The following SORCS1 variants were observed in gnomAD, a reference collection of about 807,000 sequenced individuals.
SORCS1 encodes the protein VPS10 domain-containing receptor SorCS1.
A neutral mutation model predicts 146.1 loss-of-function variants in SORCS1; 60 were observed. That is an observed-to-expected ratio of 0.41 (90% confidence interval 0.33 to 0.51). SORCS1 has a LOEUF of 0.51. Among genes scored for constraint, SORCS1 ranks in the 20% least tolerant of loss-of-function variants. SORCS1 has a pLI of 0.21. For synonymous variants in SORCS1, 637 were observed against 584.0 expected (o/e 1.09, Z -1.31); for missense variants, 1,352 against 1,487.6 (o/e 0.91, Z 1.50).
intron 17 of SORCS1, among the ~76,000 whole-genome samples, chr10:106,657,570 A>G (rs1168320337): frequency 6.6e-6 from 1 of 151,860 alleles, no homozygotes; most frequent in African/African-American, 2.4e-5. Context: ...CAATCCATCC[A>G]TGTAACCGAA....
At chr10:107,096,674 G>A (rs972222636) in intron 1 of SORCS1, among the ~76,000 whole-genome samples, 5 of 152,092 alleles carry the variant, frequency 3.3e-5, no homozygotes, top group African/African-American at 9.7e-5. Flanking sequence ...ACCATGCCTG[G>A]CTAATTTTTG....
rs75285244 is a variant in SORCS1 at position 106,588,122 on chromosome 10, C to T, written c.3266-8648G>A. 8.1e-3 allele frequency among the ~76,000 whole-genome samples: 1,228 copies of T among 152,340 alleles called. 19 individuals are homozygous for T. Among genetic ancestry groups the T allele is most frequent in the Middle Eastern group, 0.061 (18 of 294 alleles). On this transcript the variant is annotated intron_variant, in intron 24 of 25. Coordinates refer to ENST00000263054, the MANE Select transcript of SORCS1 (RefSeq NM_052918.5). ...CATAAAACTCAAGGCTGTTCAATTA[C>T]ATCTGCCATTAAGATTCCAGTTCAC...
At chr10:106,625,200 CTGTGTG>C (rs3044907) in intron 19 of SORCS1, among the ~76,000 whole-genome samples, 10,031 of 140,058 alleles carry the variant, frequency 0.072, 542 homozygotes, top group East Asian at 0.21. Flanking sequence ...TTGTGTGATT[CTGTGTG>C]TGTGTGTGTG....
intron 1 of SORCS1, among the ~76,000 whole-genome samples, chr10:106,973,764 A>T (rs1955886263): frequency 6.6e-6 from 1 of 152,234 alleles, no homozygotes; most frequent in Non-Finnish European, 1.5e-5. Context: ...CAGCACATAA[A>T]AGTGAAGAAT....
intron 3 of SORCS1, among the ~76,000 whole-genome samples, chr10:106,810,151 G>T (rs1323847480): frequency 6.6e-6 from 1 of 152,132 alleles, no homozygotes; most frequent in African/African-American, 2.4e-5. Flanking sequence ...AACCTGGGAG[G>T]CAGAGGTTGC....
chr10:106,695,417 C>T lies in SORCS1; in HGVS notation c.1413+3797G>A, dbSNP rs191328029. Among the ~76,000 whole-genome samples, 378 of 152,334 alleles carry T rather than the reference C, an allele frequency of 2.5e-3. 5 individuals carry two copies. Among genetic ancestry groups the T allele is most frequent in the African/African-American group, 8.7e-3 (360 of 41,568 alleles). Reference sequence around the variant, plus strand: ...CAGTCTTAATGCTGTCACTCTTCCACAACCAAATACAAGCCCAGATGCTGA... The same window carrying T: ...CAGTCTTAATGCTGTCACTCTTCCATAACCAAATACAAGCCCAGATGCTGA... On this transcript the variant is annotated intron_variant, in intron 9 of 25. Coordinates refer to ENST00000263054, the MANE Select transcript of SORCS1 (RefSeq NM_052918.5).
intron 1 of SORCS1, among the ~76,000 whole-genome samples, chr10:106,991,100 C>T (rs1340529357): frequency 6.6e-6 from 1 of 152,118 alleles, no homozygotes; most frequent in Non-Finnish European, 1.5e-5. Context: ...TTATGTTCAC[C>T]CATTTGTCAA....
At chr10:107,046,798 C>A (rs536835226) in intron 1 of SORCS1, among the ~76,000 whole-genome samples, 3 of 152,094 alleles carry the variant, frequency 2.0e-5, no homozygotes, top group Non-Finnish European at 4.4e-5. Context: ...TTAGGATAAG[C>A]CTCTCATGAG....
chr10:106,637,236 TC>T (rs932725447), intron 18 of SORCS1, among the ~76,000 whole-genome samples: 2 of 152,220 alleles, frequency 1.3e-5, no homozygotes, highest in Non-Finnish European at 2.9e-5. Flanking sequence ...TATCTTCTGT[TC>T]CCAAGCAAGT....
chr10:106,769,040 C>T (rs1157459099), intron 4 of SORCS1, among the ~76,000 whole-genome samples: 3 of 152,178 alleles, frequency 2.0e-5, no homozygotes, highest in Non-Finnish European at 2.9e-5. Context: ...ACTCTACTGT[C>T]GGTCAGTGGT....
At chr10:106,734,808 C>T (rs1346015256) in intron 5 of SORCS1, among the ~76,000 whole-genome samples, 3 of 151,934 alleles carry the variant, frequency 2.0e-5, no homozygotes, top group Non-Finnish European at 1.5e-5. Flanking sequence ...TCTCTTTTTC[C>T]CCCTTTTTAT....
At chr10:107,110,023 C>T (rs1006701872) in intron 1 of SORCS1, among the ~76,000 whole-genome samples, 6 of 152,178 alleles carry the variant, frequency 3.9e-5, no homozygotes, top group Non-Finnish European at 7.3e-5. Flanking sequence ...GGTTCAGTTT[C>T]TTTGCTTCAG....
chr10:107,005,333 G>T (rs1289964614), intron 1 of SORCS1, among the ~76,000 whole-genome samples: 1 of 151,622 alleles, frequency 6.6e-6, no homozygotes, highest in Non-Finnish European at 1.5e-5. Flanking sequence ...CTCTTTCGGG[G>T]GCGGGGGGTA....
chr10:107,057,609 C>T (rs1168462897), intron 1 of SORCS1, among the ~76,000 whole-genome samples: 3 of 152,288 alleles, frequency 2.0e-5, no homozygotes, highest in Admixed American at 6.5e-5. Context: ...TTCTGTTGTC[C>T]TCTCTCCTTT....
chr10:107,053,494 C>T (rs553432458), intron 1 of SORCS1, among the ~76,000 whole-genome samples: 4 of 151,948 alleles, frequency 2.6e-5, no homozygotes, highest in Non-Finnish European at 5.9e-5. Flanking sequence ...TTATTCTTTA[C>T]CAGTTGTATA....
chr10:106,672,905 G>T lies in SORCS1; in HGVS notation c.2021C>A (p.Ala674Asp), dbSNP rs749767675. The T allele has an allele frequency of 3.1e-6, 5 of 1,614,030 alleles. 1 individual carries two copies. The highest frequency in any genetic ancestry group is 4.2e-6 in the Non-Finnish European group (5 of 1,179,974). Residue 674 changes from alanine to aspartate, a missense_variant, in exon 15 of 26, where the codon GCC becomes GAC. This residue lies in a region of SORCS1 where 648 missense variants were observed against 793.8 expected (regional missense o/e 0.82). Transcript: ENST00000263054. Reference sequence around the variant, plus strand: ...CTGCCAAGGTCTGTAGTCCTCTTCGGCACACCGTCTATCAAAAATGGACTT... The same window carrying T: ...CTGCCAAGGTCTGTAGTCCTCTTCGTCACACCGTCTATCAAAAATGGACTT... ...DYKSIFDRRC[A>D]EEDYRPWQLH... is the part of the protein sequence containing the mutation.
intron 2 of SORCS1, among the ~76,000 whole-genome samples, chr10:106,916,451 A>C (rs1310986147): frequency 6.7e-6 from 1 of 148,702 alleles, no homozygotes; most frequent in Admixed American, 6.7e-5. Flanking sequence ...TGTATATATG[A>C]TTATATATTA....
intron 2 of SORCS1, among the ~76,000 whole-genome samples, chr10:106,854,611 T>C (rs12250539): frequency 0.052 from 7,833 of 152,042 alleles, 271 homozygotes; most frequent in African/African-American, 0.096. Context: ...CTTAGCCTAT[T>C]TGTTTTCCTC....
At chr10:106,962,910 T>C (rs1955308191) in intron 1 of SORCS1, among the ~76,000 whole-genome samples, 1 of 152,116 alleles carries the variant, frequency 6.6e-6, no homozygotes, top group African/African-American at 2.4e-5. Context: ...TTAGTGTTTT[T>C]TCATTGTCCA....
Sources: gnomAD v4.1 joint callset for allele counts (sites outside exome capture counted in the v4.1 genomes callset) on GRCh38, gnomAD v4.1.1 for gene constraint, gnomAD v4.1.1 regional missense constraint, MANE v1.5 for transcripts, NCBI Gene and HGNC (gene_info 2026-07-23, HGNC 2026-07-21) for gene names.